Variants in SDK1 observed in about 807,000 individuals in gnomAD.
SDK1 encodes the protein protein sidekick-1.
In SDK1, 157 loss-of-function variants were observed where a neutral mutation model predicts 245.5. The observed-to-expected ratio is 0.64, with a 90% CI of 0.56 to 0.73. The LOEUF is 0.73. Among genes scored for constraint, SDK1 ranks in the 30% least tolerant of loss-of-function variants. The pLI, the probability that SDK1 is intolerant of heterozygous loss-of-function variation, is 0.00. For synonymous variants in SDK1, 1,647 were observed against 1,278.5 expected (o/e 1.29, Z -6.15); for missense variants, 3,583 against 3,002.3 (o/e 1.19, Z -4.52).
intron 35 of SDK1, among the ~76,000 whole-genome samples, chr7:4,199,491 T>A (rs7803332): frequency 6.6e-6 from 1 of 152,050 alleles, no homozygotes; most frequent in Non-Finnish European, 1.5e-5. Flanking sequence ...AGTATTGAAG[T>A]TTCAGAGCTA....
At chr7:3,788,419 G>C (rs184506017) in intron 4 of SDK1, among the ~76,000 whole-genome samples, 98 of 152,258 alleles carry the variant, frequency 6.4e-4, no homozygotes, top group African/African-American at 2.2e-3. Context: ...GAGGGGATAA[G>C]GTGGGGTAGA....
chr7:4,075,678 A>G (rs1328515841), intron 20 of SDK1, among the ~76,000 whole-genome samples: 1 of 150,128 alleles, frequency 6.7e-6, no homozygotes, highest in African/African-American at 2.5e-5. Context: ...TTTTTAAGAC[A>G]AAGTCTTGCT....
intron 35 of SDK1, among the ~76,000 whole-genome samples, chr7:4,185,306 G>C (rs528670620): frequency 2.9e-4 from 44 of 152,252 alleles, no homozygotes; most frequent in Non-Finnish European, 8.8e-5. Context: ...CCAGAGTTCT[G>C]GGCCCAGCTC....
chr7:3,631,341 C>G (rs1450222269), intron 2 of SDK1, among the ~76,000 whole-genome samples: 2 of 152,130 alleles, frequency 1.3e-5, no homozygotes, highest in Non-Finnish European at 1.5e-5. Context: ...AGTTGGTTTC[C>G]TCATCACCCA....
intron 4 of SDK1, among the ~76,000 whole-genome samples, chr7:3,698,379 G>T (rs184160311): frequency 1.3e-5 from 2 of 152,102 alleles, no homozygotes; most frequent in Non-Finnish European, 2.9e-5. Context: ...CACCTGAGGC[G>T]CCTGAACTTC....
intron 1 of SDK1, among the ~76,000 whole-genome samples, chr7:3,455,751 C>G (rs1780646860): frequency 6.6e-6 from 1 of 152,112 alleles, no homozygotes; most frequent in Non-Finnish European, 1.5e-5. Flanking sequence ...ATTGTTTTAG[C>G]TATTCTAGGT....
intron 22 of SDK1, among the ~76,000 whole-genome samples, chr7:4,099,978 C>A (rs1258452429): frequency 6.6e-6 from 1 of 152,034 alleles, no homozygotes; most frequent in Non-Finnish European, 1.5e-5. Context: ...GCTATGTGGA[C>A]AGGAAGTCTC....
In SDK1 at chr7:4,175,797, G is replaced by A. The variant is rs1027800258; in HGVS notation, c.4959G>A (p.Val1653=). The change falls in exon 34 of 45, where the codon GTG becomes GTA. Residue 1653 remains valine, a synonymous_variant. Transcript: ENST00000404826. ...ELTAQSSFKT[V]NSSSTSTMCE... ...TAGCCCAAAGCAGCTTCAAGACGGT[G>A]AACAGCAGCTCCACATCGACGATGT... The A allele has an allele frequency of 3.7e-6, 6 of 1,613,942 alleles. No homozygotes were observed. Among genetic ancestry groups the A allele is most frequent in the African/African-American group, 1.3e-5 (1 of 75,064 alleles).
intron 43 of SDK1, 115 bp downstream of exon 43, chr7:4,242,028 A>C: frequency 7.7e-7 from 1 of 1,300,334 alleles, no homozygotes; most frequent in South Asian, 1.4e-5. Context: ...CAGGAAGCAA[A>C]ACCCAACCCA....
At chr7:3,946,468 C>CCA (rs1004800506) in intron 5 of SDK1, among the ~76,000 whole-genome samples, 1 of 151,910 alleles carries the variant, frequency 6.6e-6, no homozygotes, top group Non-Finnish European at 1.5e-5. Flanking sequence ...GTGTGTGCCA[C>CCA]CACACCTGCT....
intron 35 of SDK1, among the ~76,000 whole-genome samples, chr7:4,189,261 T>C (rs185254294): frequency 2.1e-4 from 31 of 151,164 alleles, no homozygotes; most frequent in Non-Finnish European, 3.5e-4. Flanking sequence ...GCAGTTTTAT[T>C]GCGGCGGTTG....
intron 1 of SDK1, among the ~76,000 whole-genome samples, chr7:3,329,259 C>T (rs1780008992): frequency 6.6e-6 from 1 of 152,148 alleles, no homozygotes; most frequent in Non-Finnish European, 1.5e-5. Flanking sequence ...CCATGAGGCA[C>T]TCTTTGATGA....
intron 5 of SDK1, among the ~76,000 whole-genome samples, chr7:3,940,514 A>G (rs887372202): frequency 1.3e-5 from 2 of 152,038 alleles, no homozygotes; most frequent in Non-Finnish European, 2.9e-5. Flanking sequence ...CATCGTTCTC[A>G]CTGTCCTCAG....
rs1421974096 is a variant in SDK1, at chr7:4,227,234, G to A, written c.5827+5870G>A. ...AGGGGGCTGTTGCCATGGCTCTGAT[G>A]GTGCCCGGTCCCCTCATGTGCTGCT... On this transcript the variant is annotated intron_variant, in intron 40 of 44. Coordinates refer to ENST00000404826, the MANE Select transcript of SDK1 (RefSeq NM_152744.4). 3.1e-5 allele frequency: 11 copies of A among 350,976 alleles called. No homozygotes were observed. The Admixed American group carries it at 4.0e-4, about 13-fold the overall frequency. The allele number at this position is 350,976 out of a possible 1,614,324, so 21.7% of individuals were successfully genotyped here. A position where few individuals can be genotyped will look rare whatever the true frequency, so the allele number is the denominator to read the frequency against.
chr7:3,434,980 T>C (rs1386174639), intron 1 of SDK1, among the ~76,000 whole-genome samples: 1 of 152,212 alleles, frequency 6.6e-6, no homozygotes, highest in Non-Finnish European at 1.5e-5. Context: ...CAACAATTTT[T>C]GAATACTTTT....
intron 1 of SDK1, among the ~76,000 whole-genome samples, chr7:3,303,355 A>AT (rs1297700644): frequency 6.6e-5 from 10 of 152,184 alleles, no homozygotes; most frequent in Admixed American, 2.0e-4. Flanking sequence ...AGTGACTTGC[A>AT]TTTTGCACTA....
chr7:3,629,527 C>T (rs942193874), intron 2 of SDK1, among the ~76,000 whole-genome samples: 9 of 152,098 alleles, frequency 5.9e-5, no homozygotes, highest in African/African-American at 1.4e-4. Flanking sequence ...CCAGCCAAAT[C>T]GTAAAACCTC....
At chr7:4,250,495 C>T (rs970058094) in intron 44 of SDK1, among the ~76,000 whole-genome samples, 7 of 152,176 alleles carry the variant, frequency 4.6e-5, no homozygotes, top group African/African-American at 9.7e-5. Flanking sequence ...AGGCACCTGA[C>T]ACTATGCCCA....
chr7:4,019,250 T>G (rs1786673715), intron 17 of SDK1, among the ~76,000 whole-genome samples: 1 of 152,216 alleles, frequency 6.6e-6, no homozygotes, highest in Non-Finnish European at 1.5e-5. Flanking sequence ...AAGCTGAACA[T>G]TAGCTAACTG....
Sources: gnomAD v4.1 joint callset for allele counts (sites outside exome capture counted in the v4.1 genomes callset) on GRCh38, gnomAD v4.1.1 for gene constraint, MANE v1.5 for transcripts, NCBI Gene and HGNC (gene_info 2026-07-23, HGNC 2026-07-21) for gene names.